FAM13C: variants seen among roughly 807,000 people sequenced by gnomAD.
FAM13C encodes family with sequence similarity 13 member C, also known as protein FAM13C.
FAM13C carries 37 observed loss-of-function variants against 73.2 expected under a neutral mutation model. The ratio of observed to expected loss-of-function variants is 0.51; its 90% CI spans 0.39 to 0.67. The LOEUF (loss-of-function observed/expected upper bound fraction) is 0.67, where lower values mean the gene tolerates loss of function less well. FAM13C is among the 30% of genes least tolerant of loss of function. The probability of loss-of-function intolerance (pLI) is 0.00; values close to 1 mark genes in which losing one functional copy is unlikely to be tolerated. For missense variants in FAM13C, 589 were observed against 715.6 expected, an observed-to-expected ratio of 0.82 and a Z score of 2.02; for synonymous variants, 246 against 260.9, an observed-to-expected ratio of 0.94 and a Z score of 0.55.
At chr10:59,298,220 G>C (rs1432722200) in intron 5 of FAM13C, among the ~76,000 whole-genome samples, 1 of 152,156 alleles carries the variant, frequency 6.6e-6, no homozygotes, top group Non-Finnish European at 1.5e-5. Context: ...TGGCCAATAA[G>C]CCTCAAAGAC....
intron 10 of FAM13C, among the ~76,000 whole-genome samples, chr10:59,261,597 G>C (rs990998667): frequency 3.9e-5 from 6 of 152,062 alleles, no homozygotes; most frequent in Admixed American, 1.3e-4. Context: ...CCTATAAATA[G>C]TGCTTCCATG....
chr10:59,289,020 C>A (rs553486379), intron 5 of FAM13C, among the ~76,000 whole-genome samples: 2 of 152,278 alleles, frequency 1.3e-5, no homozygotes, highest in East Asian at 1.9e-4. Context: ...CAGTCCCAAC[C>A]TTTTTGGCAC....
Position 59,247,384 on chromosome 10 carries a change from A to T in FAM13C, c.*230T>A. On this transcript the variant is annotated 3_prime_UTR_variant, in exon 14 of 14. Transcript: ENST00000618804. Reference sequence around the variant, plus strand: ...ACTATGAGTTTTCTGCTTGGCATGGAGGACACTGAATTTTTTCCCAATTAT... The same window carrying T: ...ACTATGAGTTTTCTGCTTGGCATGGTGGACACTGAATTTTTTCCCAATTAT... 1 of 511,296 alleles carries T rather than the reference A, an allele frequency of 2.0e-6. No individual in the cohort carries two copies. Among genetic ancestry groups the T allele is most frequent in the East Asian group, 3.6e-5 (1 of 27,558 alleles). 31.7% of individuals were successfully genotyped at this position (511,296 alleles called of 1,614,324 possible). A position where few individuals can be genotyped will look rare whatever the true frequency, so the allele number is the denominator to read the frequency against.
At chr10:59,354,584 A>C (rs899779239) in intron 2 of FAM13C, among the ~76,000 whole-genome samples, 1 of 152,214 alleles carries the variant, frequency 6.6e-6, no homozygotes, top group Non-Finnish European at 1.5e-5. Context: ...TAACAGAGAT[A>C]ATACAGTCTC....
At chr10:59,297,727 T>A (rs1034420346) in intron 5 of FAM13C, among the ~76,000 whole-genome samples, 7 of 152,230 alleles carry the variant, frequency 4.6e-5, no homozygotes, top group Non-Finnish European at 7.4e-5. Context: ...ACAGTCCCCA[T>A]CCCCTCTATC....
At chr10:59,360,543 C>A (rs937319214) in intron 1 of FAM13C, among the ~76,000 whole-genome samples, 1 of 152,048 alleles carries the variant, frequency 6.6e-6, no homozygotes, top group Admixed American at 6.6e-5. Context: ...GGGGTCATGC[C>A]CAGAGAAGCA....
chr10:59,340,922 T>C lies in FAM13C; in HGVS notation c.324+11348A>G, dbSNP rs192784304. Among the ~76,000 whole-genome samples, 154 of 152,132 alleles carry C rather than the reference T, an allele frequency of 1.0e-3. 1 individual carries two copies. Among genetic ancestry groups the C allele is most frequent in the African/African-American group, 3.5e-3 (145 of 41,522 alleles). ...TTTGAGTTTCAGAGAGAGCAATATC[T>C]GGGTCTTCAGAGGACCACGCTCTCT... is the stretch of plus-strand genomic sequence containing the variant. On this transcript the variant is annotated intron_variant, in intron 3 of 13. Coordinates refer to ENST00000618804, the MANE Select transcript of FAM13C (RefSeq NM_198215.4).
chr10:59,250,505 G>A (rs1449857363), intron 13 of FAM13C, among the ~76,000 whole-genome samples: 1 of 152,120 alleles, frequency 6.6e-6, no homozygotes, highest in African/African-American at 2.4e-5. Flanking sequence ...TCACTCAATA[G>A]GTCCAGTCCT....
At position 59,326,488 on chromosome 10, in the gene FAM13C, G is replaced by A. The variant is rs183918295; in HGVS notation, c.325-2382C>T. On this transcript the variant is annotated intron_variant, in intron 3 of 13. Coordinates refer to ENST00000618804, the MANE Select transcript of FAM13C (RefSeq NM_198215.4). ...GTCATGACAGGCTGCCCTTCCCAAT[G>A]CCAAAAGTTAGATCATGAAAGTTCT... Among the ~76,000 whole-genome samples the A allele has an allele frequency of 3.9e-5, 6 of 152,224 alleles. No homozygotes were observed. In the East Asian group the frequency reaches 1.2e-3, roughly 29 times the overall value.
intron 8 of FAM13C, among the ~76,000 whole-genome samples, chr10:59,266,292 A>G (rs1312971571): frequency 1.3e-5 from 2 of 152,184 alleles, no homozygotes; most frequent in African/African-American, 2.4e-5. Flanking sequence ...TCAGATGTAG[A>G]GATGTAGAGA....
chr10:59,283,306 A>C, intron 6 of FAM13C, 57 bp downstream of exon 6: 6 of 1,558,416 alleles, frequency 3.9e-6, no homozygotes, highest in South Asian at 1.1e-5. Flanking sequence ...TGAACCAGCA[A>C]GAGACTGAAC....
chr10:59,250,155 C>A (rs1321751801), intron 13 of FAM13C, among the ~76,000 whole-genome samples: 1 of 152,076 alleles, frequency 6.6e-6, no homozygotes, highest in Non-Finnish European at 1.5e-5. Flanking sequence ...CCATAGAATA[C>A]CTTTAATCCA....
chr10:59,257,898 T>C (rs1398225438), intron 10 of FAM13C, among the ~76,000 whole-genome samples: 1 of 152,212 alleles, frequency 6.6e-6, no homozygotes, highest in East Asian at 1.9e-4. Flanking sequence ...AGTTTCCTAA[T>C]ATGCAGAATG....
chr10:59,304,556 A>G (rs1482042705), intron 4 of FAM13C, among the ~76,000 whole-genome samples: 1 of 151,888 alleles, frequency 6.6e-6, no homozygotes, highest in Non-Finnish European at 1.5e-5. Flanking sequence ...ACATCAATCT[A>G]TGAGACACAT....
At chr10:59,256,137 A>G (rs1427938485) in intron 10 of FAM13C, among the ~76,000 whole-genome samples, 5 of 152,098 alleles carry the variant, frequency 3.3e-5, no homozygotes, top group African/African-American at 1.2e-4. Context: ...ACATCTTTCC[A>G]TGAAAAAAAA....
chr10:59,252,490 A>T (rs1240049573), intron 12 of FAM13C, among the ~76,000 whole-genome samples: 3 of 152,090 alleles, frequency 2.0e-5, no homozygotes, highest in Non-Finnish European at 4.4e-5. Flanking sequence ...AGAAGGCCAA[A>T]TTATCATGAG....
chr10:59,346,017 GA>G (rs770210851), intron 3 of FAM13C, among the ~76,000 whole-genome samples: 15 of 152,158 alleles, frequency 9.9e-5, no homozygotes, highest in Admixed American at 2.6e-4. Flanking sequence ...TCCTCTCACT[GA>G]AAAGGGAGTG....
chr10:59,264,266 G>A, intron 8 of FAM13C, 100 bp from the exon 9 acceptor site: 1 of 769,882 alleles, frequency 1.3e-6, no homozygotes, highest in Non-Finnish European at 2.2e-6. Flanking sequence ...AAACAGATGA[G>A]CTACACAAAG....
intron 3 of FAM13C, among the ~76,000 whole-genome samples, chr10:59,334,303 T>C (rs1852427921): frequency 6.6e-6 from 1 of 152,186 alleles, no homozygotes; most frequent in Non-Finnish European, 1.5e-5. Context: ...AAAATTATTC[T>C]AAGATATCTA....
Sources: gnomAD v4.1 joint callset for allele counts (sites outside exome capture counted in the v4.1 genomes callset) on GRCh38, gnomAD v4.1.1 for gene constraint, MANE v1.5 for transcripts, NCBI Gene and HGNC (gene_info 2026-07-23, HGNC 2026-07-21) for gene names.